Variants in ELAVL4 observed in about 807,000 individuals in gnomAD.
ELAVL4 encodes the protein ELAV-like protein 4.
In ELAVL4, 1 loss-of-function variant was observed where a neutral mutation model predicts 35.6. The ratio of observed to expected loss-of-function variants is 0.03; its 90% CI spans 0.01 to 0.13. The LOEUF (loss-of-function observed/expected upper bound fraction) is 0.13. Ranked by LOEUF, ELAVL4 falls within the 10% of genes least tolerant of loss-of-function variation. The probability of loss-of-function intolerance (pLI) is 1.00; values close to 1 mark genes in which losing one functional copy is unlikely to be tolerated. For synonymous variants in ELAVL4, 156 were observed against 171.0 expected (o/e 0.91, Z 0.69); for missense variants, 267 against 464.9 (o/e 0.57, Z 3.91).
chr1:50,165,709 C>A (rs1200227679), intron 2 of ELAVL4, among the ~76,000 whole-genome samples: 1 of 143,820 alleles, frequency 7.0e-6, no homozygotes, highest in African/African-American at 2.6e-5. Flanking sequence ...TACATATATA[C>A]TTATATATGT....
At chr1:50,146,383 A>G (rs1298626698) in intron 2 of ELAVL4, among the ~76,000 whole-genome samples, 3 of 152,322 alleles carry the variant, frequency 2.0e-5, no homozygotes, top group African/African-American at 7.2e-5. Context: ...CACTCCAGAC[A>G]TAATTTTCTT....
chr1:50,114,551 G>C (rs1245829332), intron 1 of ELAVL4, among the ~76,000 whole-genome samples: 1 of 152,074 alleles, frequency 6.6e-6, no homozygotes, highest in Non-Finnish European at 1.5e-5. Context: ...GGAAAAAAAG[G>C]CTGGAAGACA....
intron 2 of ELAVL4, among the ~76,000 whole-genome samples, chr1:50,158,297 A>G (rs1676107123): frequency 6.6e-6 from 1 of 152,200 alleles, no homozygotes; most frequent in Non-Finnish European, 1.5e-5. Flanking sequence ...ACAGCTTCTA[A>G]GTGGCAAAGT....
chr1:50,109,589 C>T, intron 1 of ELAVL4: 1 of 385,230 alleles, frequency 2.6e-6, no homozygotes, highest in Non-Finnish European at 4.7e-6. Context: ...GTGGATGCAG[C>T]GGGGTTAGGA....
At chr1:50,089,261 G>A (rs190134856) in intron 1 of ELAVL4, among the ~76,000 whole-genome samples, 1 of 152,346 alleles carries the variant, frequency 6.6e-6, no homozygotes, top group Admixed American at 6.5e-5. Flanking sequence ...CAGGAGCAGA[G>A]AGGAGGGTAA....
chr1:50,194,205 C>T (rs958528917), intron 4 of ELAVL4, among the ~76,000 whole-genome samples: 4 of 152,164 alleles, frequency 2.6e-5, no homozygotes, highest in Non-Finnish European at 4.4e-5. Context: ...AACTGTATGA[C>T]CTTCAAAGTC....
intron 3 of ELAVL4, among the ~76,000 whole-genome samples, chr1:50,188,143 G>A (rs909876782): frequency 6.6e-6 from 1 of 152,124 alleles, no homozygotes; most frequent in African/African-American, 2.4e-5. Context: ...TGCCTCATGA[G>A]GTGGTGAGCT....
chr1:50,116,673 TAA>T (rs1668014981), intron 1 of ELAVL4, among the ~76,000 whole-genome samples: 1 of 152,120 alleles, frequency 6.6e-6, no homozygotes, highest in African/African-American at 2.4e-5. Context: ...AAGTGCTACT[TAA>T]AAGTCTGTAG....
At chr1:50,132,963 T>C (rs1671115583) in intron 1 of ELAVL4, among the ~76,000 whole-genome samples, 2 of 152,198 alleles carry the variant, frequency 1.3e-5, no homozygotes, top group East Asian at 1.9e-4. Context: ...AGATAATCAA[T>C]CTTTTATTTC....
At chr1:50,171,652 A>G (rs577103400) in intron 2 of ELAVL4, among the ~76,000 whole-genome samples, 1 of 152,292 alleles carries the variant, frequency 6.6e-6, no homozygotes, top group South Asian at 2.1e-4. Context: ...TGTTTTTTCC[A>G]GATAAGAGAG....
chr1:50,073,848 T>C (rs1281257028), intron 1 of ELAVL4, among the ~76,000 whole-genome samples: 1 of 152,024 alleles, frequency 6.6e-6, no homozygotes, highest in Non-Finnish European at 1.5e-5. Context: ...AAAGTAGAAG[T>C]CTAACACAGG....
chr1:50,158,713 T>C (rs1385936949), intron 2 of ELAVL4, among the ~76,000 whole-genome samples: 1 of 152,098 alleles, frequency 6.6e-6, no homozygotes, highest in Non-Finnish European at 1.5e-5. Context: ...AGAAGCCAAA[T>C]CATAGACTGT....
intron 1 of ELAVL4, among the ~76,000 whole-genome samples, chr1:50,114,410 C>T (rs556741050): frequency 3.3e-5 from 5 of 151,468 alleles, no homozygotes; most frequent in South Asian, 4.2e-4. Flanking sequence ...GAAATCTCCA[C>T]GTATTTTAGG....
intron 2 of ELAVL4, among the ~76,000 whole-genome samples, chr1:50,154,649 A>G (rs1171593969): frequency 6.6e-6 from 1 of 152,226 alleles, no homozygotes; most frequent in South Asian, 2.1e-4. Flanking sequence ...AGAGGCTTTT[A>G]TACTCAGTAC....
At chr1:50,119,039 A>C (rs1050782208) in intron 1 of ELAVL4, among the ~76,000 whole-genome samples, 1 of 48,676 alleles carries the variant, frequency 2.1e-5, no homozygotes, top group Non-Finnish European at 4.5e-5. Flanking sequence ...AGAAAGAAAA[A>C]GAAAGAAAGA....
chr1:50,099,277 C>A (rs928291985), upstream of ELAVL4, among the ~76,000 whole-genome samples: 1 of 152,120 alleles, frequency 6.6e-6, no homozygotes, highest in African/African-American at 2.4e-5. Context: ...TAACAATGAA[C>A]TGGCTGGGTG....
upstream of ELAVL4, chr1:50,108,888 T>C: frequency 9.5e-7 from 1 of 1,053,820 alleles, no homozygotes; most frequent in Non-Finnish European, 1.1e-6. Flanking sequence ...TGACAGATGG[T>C]CCCATAAATG....
At position 50,177,186 on chromosome 1, in the gene ELAVL4, C is replaced by G; in HGVS notation, c.348C>G (p.Thr116=). The change falls in exon 3 of 7, where the codon ACC becomes ACG. Residue 116 remains threonine (T), a synonymous_variant. Transcript: ENST00000371824. ...ATGGACTCAGACTCCAGACCAAAACCATAAAGGTAAGAGGTGATGTGCTGG... is the reference window on the plus strand; with the variant it reads ...ATGGACTCAGACTCCAGACCAAAACGATAAAGGTAAGAGGTGATGTGCTGG... ...TLNGLRLQTK[T]IKVSYARPSS... is the part of the protein sequence containing the mutation. 6.2e-7 allele frequency: 1 copy of G among 1,612,948 alleles called. No homozygotes were observed. Among genetic ancestry groups the G allele is most frequent in the Non-Finnish European group, 8.5e-7 (1 of 1,179,060 alleles).
upstream of ELAVL4, among the ~76,000 whole-genome samples, chr1:50,105,047 T>G (rs978502350): frequency 3.3e-5 from 5 of 152,232 alleles, no homozygotes; most frequent in Admixed American, 3.3e-4. Flanking sequence ...TTCATATAAT[T>G]GTATTTTTAA....
Sources: gnomAD v4.1 joint callset for allele counts (sites outside exome capture counted in the v4.1 genomes callset) on GRCh38, gnomAD v4.1.1 for gene constraint, MANE v1.5 for transcripts, NCBI Gene and HGNC (gene_info 2026-07-23, HGNC 2026-07-21) for gene names.